Variants in PPP1R3A observed in about 807,000 individuals in gnomAD.
The protein encoded by PPP1R3A is RG1.
A neutral mutation model predicts 41.7 loss-of-function variants in PPP1R3A; 29 were observed. That is an observed-to-expected ratio of 0.70 (90% CI 0.52 to 0.95). PPP1R3A has a LOEUF of 0.95. Ranked by LOEUF, PPP1R3A falls within the 40% of genes least tolerant of loss-of-function variation. The pLI, the probability that PPP1R3A is intolerant of heterozygous loss-of-function variation, is 0.00. For missense variants in PPP1R3A, 1,352 were observed against 1,292.4 expected, an observed-to-expected ratio of 1.05 and a Z score of -0.71; for synonymous variants, 485 against 453.4, an observed-to-expected ratio of 1.07 and a Z score of -0.89.
chr7:113,880,934 C>A (rs2129113674), intron 3 of PPP1R3A, among the ~76,000 whole-genome samples: 1 of 152,142 alleles, frequency 6.6e-6, no homozygotes, highest in Non-Finnish European at 1.5e-5. Flanking sequence ...AGCAAATTAG[C>A]ATCTAAATTA....
chr7:113,880,921 TG>T (rs11365564), intron 3 of PPP1R3A, among the ~76,000 whole-genome samples: 4,473 of 152,200 alleles, frequency 0.029, 220 homozygotes, highest in African/African-American at 0.099. Flanking sequence ...AACGTCAGCA[TG>T]GAGCAAATTA....
chr7:113,908,346 G>T (rs1797181023), intron 1 of PPP1R3A, among the ~76,000 whole-genome samples: 1 of 151,908 alleles, frequency 6.6e-6, no homozygotes, highest in Non-Finnish European at 1.5e-5. Flanking sequence ...ACACGTGTGT[G>T]TGTGTGTATT....
At chr7:113,892,998 A>G (rs1289621370) in intron 1 of PPP1R3A, among the ~76,000 whole-genome samples, 1 of 151,932 alleles carries the variant, frequency 6.6e-6, no homozygotes, top group Non-Finnish European at 1.5e-5. Context: ...AATACAATAC[A>G]CTCATGCTGA....
chr7:113,895,660 A>G (rs1300014381), intron 1 of PPP1R3A, among the ~76,000 whole-genome samples: 1 of 151,988 alleles, frequency 6.6e-6, no homozygotes, highest in Non-Finnish European at 1.5e-5. Context: ...TTTTACAAAC[A>G]TATTTTCAAA....
chr7:113,883,682 T>C (rs1358310439), intron 1 of PPP1R3A, among the ~76,000 whole-genome samples: 1 of 151,974 alleles, frequency 6.6e-6, no homozygotes, highest in African/African-American at 2.4e-5. Flanking sequence ...CCTTCCCTTC[T>C]CCATGTACAT....
chr7:113,899,321 C>T (rs1416779329), intron 1 of PPP1R3A, among the ~76,000 whole-genome samples: 1 of 151,744 alleles, frequency 6.6e-6, no homozygotes, highest in African/African-American at 2.4e-5. Context: ...TAAAAGTTTA[C>T]TTCATTCTAA....
chr7:113,881,943 T>C (rs756004658), intron 3 of PPP1R3A, 96 bp downstream of exon 3: 7 of 1,447,704 alleles, frequency 4.8e-6, no homozygotes, highest in Non-Finnish European at 5.8e-6. Context: ...ATTTGCAAAT[T>C]ATATTAGTTG....
At position 113,878,468 on chromosome 7, in the gene PPP1R3A, A is replaced by C. The variant is rs1395480674; in HGVS notation, c.2624T>G (p.Val875Gly). 1 of 1,612,874 alleles carries C rather than the reference A, an allele frequency of 6.2e-7. No homozygotes were observed. The highest frequency in any genetic ancestry group is 8.5e-7 in the Non-Finnish European group (1 of 1,179,680). The part of the protein sequence containing the change: ...QLGMLPTDKT[V>G]FSENRDLRQV... ...CCTAAGATCTCTGTTTTCTGAAAAT[A>C]CAGTTTTGTCTGTTGGTAACATTCC... is the stretch of plus-strand genomic sequence containing the variant. Residue 875 changes from valine (V) to glycine (G), a missense_variant, in exon 4 of 4, where the codon GTA becomes GGA. Val to Gly is a moderately radical substitution (Grantham distance 109, BLOSUM62 -3). Coordinates refer to ENST00000284601, the MANE Select transcript of PPP1R3A (RefSeq NM_002711.4).
At chr7:113,890,663 T>G (rs185917238) in intron 1 of PPP1R3A, among the ~76,000 whole-genome samples, 1 of 152,074 alleles carries the variant, frequency 6.6e-6, no homozygotes, top group Non-Finnish European at 1.5e-5. Flanking sequence ...CATTGTAGAA[T>G]AGACCAATCA....
Position 113,893,763 on chromosome 7 carries a change from C to G in PPP1R3A, c.783-11443G>C, listed in dbSNP as rs150319996. ...GAGTTGTTGCATTTCTAAAAATCTTCTCTATTTCAATATCTAAGTTAGAAC... is the reference window on the plus strand; with the variant it reads ...GAGTTGTTGCATTTCTAAAAATCTTGTCTATTTCAATATCTAAGTTAGAAC... On this transcript the variant is annotated intron_variant, in intron 1 of 3. Coordinates refer to ENST00000284601, the MANE Select transcript of PPP1R3A (RefSeq NM_002711.4). Among the ~76,000 whole-genome samples, 4 of 152,082 alleles carry G rather than the reference C, an allele frequency of 2.6e-5. No homozygotes were observed. In the East Asian group the frequency reaches 7.8e-4, roughly 30 times the overall value.
Position 113,880,111 on chromosome 7 carries a change from T to G in PPP1R3A, c.981A>C (p.Leu327Phe). Residue 327 changes from leucine (L) to phenylalanine (F), a missense_variant, in exon 4 of 4, where the codon TTA (leucine) becomes TTC (phenylalanine). Leu to Phe is a conservative substitution (Grantham distance 22, BLOSUM62 0). Transcript: ENST00000284601. ...KELELMINQH[L>F]IRTRSTASRD... ...TGGAAGCAGTACTTCTGGTTCTTAT[T>G]AAGTGTTGATTTATCTTATGGGATA... The G allele has an allele frequency of 6.3e-7, 1 of 1,594,978 alleles. No individual in the cohort carries two copies.
intron 1 of PPP1R3A, among the ~76,000 whole-genome samples, chr7:113,905,166 A>G (rs900830874): frequency 6.6e-6 from 1 of 151,682 alleles, no homozygotes; most frequent in Non-Finnish European, 1.5e-5. Context: ...TGTATAATAG[A>G]TGGAATATAT....
In PPP1R3A at chr7:113,878,528, T is replaced by C. The variant is rs2129112642; in HGVS notation, c.2564A>G (p.Tyr855Cys). The C allele has an allele frequency of 6.2e-7, 1 of 1,613,566 alleles. No individual in the cohort carries two copies. Among genetic ancestry groups the C allele is most frequent in the South Asian group, 1.1e-5 (1 of 91,074 alleles). Residue 855 changes from tyrosine to cysteine, a missense_variant, in exon 4 of 4, where the codon TAT (tyrosine) becomes TGT (cysteine). Coordinates refer to ENST00000284601, the MANE Select transcript of PPP1R3A (RefSeq NM_002711.4). Reference sequence around the variant, plus strand: ...ATCCAGTTTTGAAGTTGCTTTTTGATATTCTGTAATGACCCATGAGGATTC... The same window carrying C: ...ATCCAGTTTTGAAGTTGCTTTTTGACATTCTGTAATGACCCATGAGGATTC... ...VEESSWVITE[Y>C]QKATSKLDLQ...
Position 113,877,830 on chromosome 7 carries a change from T to G in PPP1R3A, c.3262A>C (p.Thr1088Pro). Residue 1088 changes from threonine (T) to proline (P), a missense_variant, in exon 4 of 4, where the codon ACT becomes CCT. Physicochemically the swap from Thr to Pro is conservative, Grantham distance 38. Coordinates refer to ENST00000284601, the MANE Select transcript of PPP1R3A (RefSeq NM_002711.4). ...YFLLFLIFLITVYHYDLMIGL... is the reference protein window; with the variant it reads ...YFLLFLIFLIPVYHYDLMIGL... ...ATCATTAAGTCATAATGGTAGACAG[T>G]TATAAGAAATATCAGAAACAAAAGG... 6.2e-7 allele frequency: 1 copy of G among 1,608,944 alleles called. No homozygotes were observed. Among genetic ancestry groups the G allele is most frequent in the Non-Finnish European group, 8.5e-7 (1 of 1,175,894 alleles).
At chr7:113,910,888 T>C (rs1324643557) in intron 1 of PPP1R3A, among the ~76,000 whole-genome samples, 3 of 152,140 alleles carry the variant, frequency 2.0e-5, no homozygotes, top group African/African-American at 4.8e-5. Flanking sequence ...CACTATTCAG[T>C]ATAATTTACA....
intron 1 of PPP1R3A, among the ~76,000 whole-genome samples, chr7:113,885,317 G>A (rs1796764363): frequency 6.6e-6 from 1 of 152,088 alleles, no homozygotes; most frequent in African/African-American, 2.4e-5. Flanking sequence ...AAAGTGCTAG[G>A]ATTACAGGCA....
At chr7:113,902,103 A>T (rs1797071221) in intron 1 of PPP1R3A, among the ~76,000 whole-genome samples, 1 of 151,648 alleles carries the variant, frequency 6.6e-6, no homozygotes, top group Admixed American at 6.6e-5. Context: ...ATCTCTGAGA[A>T]CTCAGTCCTG....
intron 1 of PPP1R3A, among the ~76,000 whole-genome samples, chr7:113,913,638 G>A (rs1208797303): frequency 6.6e-6 from 1 of 151,992 alleles, no homozygotes; most frequent in Non-Finnish European, 1.5e-5. Flanking sequence ...TACAAAACCA[G>A]ATGAACTCAA....
At chr7:113,918,128 G>C (rs1797370291) in intron 1 of PPP1R3A, 87 bp downstream of exon 1, 5 of 1,292,688 alleles carry the variant, frequency 3.9e-6, no homozygotes, top group East Asian at 2.3e-5. Context: ...TTTTTAAATA[G>C]AGTCACTTTC....
Sources: gnomAD v4.1 joint callset for allele counts (sites outside exome capture counted in the v4.1 genomes callset) on GRCh38, gnomAD v4.1.1 for gene constraint, MANE v1.5 for transcripts, NCBI Gene and HGNC (gene_info 2026-07-23, HGNC 2026-07-21) for gene names.